Variants in RNF180 observed in about 807,000 individuals in gnomAD.
The protein encoded by RNF180 is ring finger protein 180.
Under a neutral mutation model 59.2 loss-of-function variants are expected in RNF180, and 38 were observed. The ratio of observed to expected loss-of-function variants is 0.64; its 90% confidence interval spans 0.50 to 0.84. The LOEUF (loss-of-function observed/expected upper bound fraction) is 0.84. RNF180 is among the 40% of genes least tolerant of loss of function. The pLI is 0.00. For missense variants in RNF180, 705 were observed against 700.9 expected (o/e 1.01, Z -0.07); for synonymous variants, 262 against 240.3 (o/e 1.09, Z -0.84).
rs772712425 is a variant in RNF180, at chr5:64,214,333, C to A, written c.1007C>A (p.Pro336His). 25 of 1,613,878 alleles carry A rather than the reference C, an allele frequency of 1.5e-5. No homozygotes were observed. The highest frequency in any genetic ancestry group is 1.9e-5 in the Non-Finnish European group (23 of 1,179,996). Residue 336 changes from proline (P) to histidine (H), a missense_variant, in exon 4 of 8, where the codon CCC (proline) becomes CAC (histidine). Transcript: ENST00000389100. Reference sequence around the variant, plus strand: ...AATCTGACTTTCCTGATGGACCTGCCCTCAGCTGGCAGGAGCATGCCGGAG... The same window carrying A: ...AATCTGACTTTCCTGATGGACCTGCACTCAGCTGGCAGGAGCATGCCGGAG... ...TNNLTFLMDLPSAGRSMPEAS... is the reference protein window; with the variant it reads ...TNNLTFLMDLHSAGRSMPEAS...
chr5:64,369,665 G>C lies in RNF180; in HGVS notation c.1630G>C (p.Ala544Pro). Residue 544 changes from alanine (A) to proline (P), a missense_variant, in exon 8 of 8, where the codon GCA becomes CCA. Coordinates refer to ENST00000389100, the MANE Select transcript of RNF180 (RefSeq NM_001113561.2). Reference protein sequence around the residue: ...PVTRRQFPHGAHRMDYLHFED... With the variant: ...PVTRRQFPHGPHRMDYLHFED... ...TACAAGAAGGCAGTTCCCACACGGT[G>C]CACACAGGATGGATTACCTGCACTT... The C allele has an allele frequency of 6.5e-7, 1 of 1,544,522 alleles. No individual in the cohort carries two copies. The highest frequency in any genetic ancestry group is 8.7e-7 in the Non-Finnish European group (1 of 1,144,206).
intron 6 of RNF180, among the ~76,000 whole-genome samples, chr5:64,326,359 T>C (rs534611922): frequency 7.2e-4 from 109 of 152,306 alleles, no homozygotes; most frequent in African/African-American, 2.6e-3. Flanking sequence ...TCTTATTTAA[T>C]AGAAACTCCT....
intron 2 of RNF180, among the ~76,000 whole-genome samples, chr5:64,204,420 T>A (rs910363774): frequency 6.6e-6 from 1 of 152,198 alleles, no homozygotes; most frequent in Non-Finnish European, 1.5e-5. Context: ...TCACCAACAA[T>A]AGTTCAGCAT....
At chr5:64,203,497 A>C (rs576082832) in intron 2 of RNF180, among the ~76,000 whole-genome samples, 72 of 152,314 alleles carry the variant, frequency 4.7e-4, no homozygotes, top group Non-Finnish European at 9.0e-4. Context: ...CCCAGGCAAC[A>C]TACCAATCTT....
intron 5 of RNF180, among the ~76,000 whole-genome samples, chr5:64,298,654 T>A (rs1218043067): frequency 2.6e-5 from 4 of 152,002 alleles, no homozygotes; most frequent in African/African-American, 7.2e-5. Context: ...TTAGACAAAT[T>A]TAAATTTTAA....
chr5:64,297,338 C>A lies in RNF180; in HGVS notation c.1228-27848C>A, dbSNP rs182761113. Among the ~76,000 whole-genome samples the A allele has an allele frequency of 2.8e-3, 423 of 151,984 alleles. 3 individuals carry two copies. Among genetic ancestry groups the A allele is most frequent in the Non-Finnish European group, 3.8e-3 (259 of 67,954 alleles). The stretch of plus-strand genomic sequence containing the variant: ...CAGTGCTTTATAGAAAGTGCCAAGG[C>A]CTATATGTCCAGTCTATTCTCTCTA... On this transcript the variant is annotated intron_variant, in intron 5 of 7. Coordinates refer to ENST00000389100, the MANE Select transcript of RNF180 (RefSeq NM_001113561.2).
chr5:64,254,644 G>GAT, intron 5 of RNF180, among the ~76,000 whole-genome samples: 1 of 152,220 alleles, frequency 6.6e-6, no homozygotes, highest in South Asian at 2.1e-4. Flanking sequence ...AGTCTCTTAA[G>GAT]ATTATCCATT....
chr5:64,269,487 C>A (rs1197549878), intron 5 of RNF180, among the ~76,000 whole-genome samples: 1 of 152,142 alleles, frequency 6.6e-6, no homozygotes, highest in East Asian at 1.9e-4. Context: ...AGAATACTAC[C>A]GTCTCTTTTT....
intron 1 of RNF180, among the ~76,000 whole-genome samples, chr5:64,172,846 G>A (rs907102393): frequency 6.6e-6 from 1 of 152,168 alleles, no homozygotes; most frequent in Admixed American, 6.5e-5. Flanking sequence ...CAGGTACACT[G>A]TTGATTATTC....
At chr5:64,233,725 C>T (rs1312021446) in intron 5 of RNF180, among the ~76,000 whole-genome samples, 2 of 152,202 alleles carry the variant, frequency 1.3e-5, no homozygotes, top group African/African-American at 4.8e-5. Flanking sequence ...CTTGCTTTCA[C>T]TTACTCTGGG....
intron 7 of RNF180, among the ~76,000 whole-genome samples, chr5:64,343,533 G>T (rs1258587108): frequency 1.3e-5 from 2 of 151,754 alleles, no homozygotes; most frequent in Non-Finnish European, 2.9e-5. Context: ...AGGATAAATA[G>T]AAAGAAAACC....
intron 5 of RNF180, among the ~76,000 whole-genome samples, chr5:64,298,615 C>A (rs1484042255): frequency 6.6e-6 from 1 of 152,010 alleles, no homozygotes; most frequent in Non-Finnish European, 1.5e-5. Flanking sequence ...TCCTTCACTT[C>A]ATGTGTTGAA....
rs1481209684 is a variant in RNF180, at chr5:64,325,674, T to G, written c.1453+263T>G. ...GTTGTTCAGTCTTGGACATTTCTAG[T>G]GTTAAGGAAGTTCCATTTGAAGCAG... is the stretch of plus-strand genomic sequence containing the variant. On this transcript the variant is annotated intron_variant, in intron 6 of 7. Coordinates refer to ENST00000389100, the MANE Select transcript of RNF180 (RefSeq NM_001113561.2). Among the ~76,000 whole-genome samples the G allele has an allele frequency of 3.3e-5, 5 of 152,198 alleles. No homozygotes were observed. In the East Asian group the frequency reaches 9.6e-4, roughly 29 times the overall value.
At chr5:64,317,048 G>A (rs55732249) in intron 5 of RNF180, among the ~76,000 whole-genome samples, 1 of 152,142 alleles carries the variant, frequency 6.6e-6, no homozygotes, top group Admixed American at 6.5e-5. Flanking sequence ...GGCAGATGCA[G>A]AACCTGCAGA....
At chr5:64,369,005 G>A (rs1746554111) in intron 7 of RNF180, among the ~76,000 whole-genome samples, 1 of 152,048 alleles carries the variant, frequency 6.6e-6, no homozygotes, top group Non-Finnish European at 1.5e-5. Context: ...AAAGACACGT[G>A]CACACGTATG....
intron 7 of RNF180, among the ~76,000 whole-genome samples, chr5:64,337,106 C>T (rs1212226396): frequency 1.3e-5 from 2 of 151,928 alleles, no homozygotes; most frequent in African/African-American, 4.8e-5. Flanking sequence ...CCTCAACCTT[C>T]CAATTCAGGC....
chr5:64,236,409 T>C (rs1580077667), intron 5 of RNF180, among the ~76,000 whole-genome samples: 1 of 152,204 alleles, frequency 6.6e-6, no homozygotes, highest in Admixed American at 6.5e-5. Flanking sequence ...CCTGGTTTAT[T>C]CTGAAAGTGT....
At chr5:64,228,927 T>G (rs2112188262) in intron 5 of RNF180, among the ~76,000 whole-genome samples, 1 of 146,980 alleles carries the variant, frequency 6.8e-6, no homozygotes, top group African/African-American at 2.5e-5. Flanking sequence ...TTTTTTTTTT[T>G]TTTTTTTTTT....
chr5:64,165,353 A>G (rs1749565349), upstream of RNF180, among the ~76,000 whole-genome samples: 1 of 152,204 alleles, frequency 6.6e-6, no homozygotes, highest in East Asian at 1.9e-4. Flanking sequence ...ATCTCCTTGC[A>G]CATCGGTGGA....
Sources: gnomAD v4.1 joint callset for allele counts (sites outside exome capture counted in the v4.1 genomes callset) on GRCh38, gnomAD v4.1.1 for gene constraint, MANE v1.5 for transcripts, NCBI Gene and HGNC (gene_info 2026-07-23, HGNC 2026-07-21) for gene names.